The following WDR43 variants were observed in gnomAD, a reference collection of about 807,000 sequenced individuals.
The protein encoded by WDR43 is WD repeat-containing protein 43.
WDR43 carries 13 observed loss-of-function variants against 91.4 expected under a neutral mutation model. The ratio of observed to expected loss-of-function variants is 0.14; its 90% CI spans 0.09 to 0.23. WDR43 has a LOEUF of 0.23. Among genes scored for constraint, WDR43 ranks in the 10% least tolerant of loss-of-function variants. WDR43 has a pLI of 1.00. For synonymous variants in WDR43, 331 were observed against 287.9 expected (o/e 1.15, Z -1.51); for missense variants, 780 against 809.4 (o/e 0.96, Z 0.44).
chr2:28,942,427 G>T (rs757678506), intron 16 of WDR43, 46 bp downstream of exon 16: 1 of 1,574,918 alleles, frequency 6.3e-7, no homozygotes, highest in East Asian at 2.3e-5. Flanking sequence ...ATAACATTCA[G>T]TTTTCAGTGA....
Position 28,947,816 on chromosome 2 carries a change from A to AT in WDR43, c.*1038dup, listed in dbSNP as rs1231190795. ...CTCACTCAAGATTTTTTATGTATGT[A>AT]TAAATATTTTGGTGTGCTACAAAAG... On this transcript the variant is annotated 3_prime_UTR_variant, in exon 18 of 18. Coordinates refer to ENST00000407426, the MANE Select transcript of WDR43 (RefSeq NM_015131.3). 1 of 148,924 alleles carries AT rather than the reference A, an allele frequency of 6.7e-6. No homozygotes were observed. The highest frequency in any genetic ancestry group is 2.0e-4 in the East Asian group (1 of 5,098). 9.2% of individuals were successfully genotyped at this position (148,924 alleles called of 1,614,324 possible).
chr2:28,902,135 G>T lies in WDR43; in HGVS notation c.363+11G>T. ...CACAGTAAATTAATAGTAAGTGTGT[G>T]TATATTTTATTTAAAAGTGATGTGA... On this transcript the variant is annotated intron_variant, in intron 2 of 17. Transcript: ENST00000407426. 3 of 1,532,104 alleles carry T rather than the reference G, an allele frequency of 2.0e-6. No homozygotes were observed. The highest frequency in any genetic ancestry group is 1.8e-6 in the Non-Finnish European group (2 of 1,140,358). 94.9% of individuals were successfully genotyped at this position (1,532,104 alleles called of 1,614,324 possible). A position where few individuals can be genotyped will look rare whatever the true frequency, so the allele number is the denominator to read the frequency against.
chr2:28,927,082 C>G, intron 9 of WDR43: 1 of 519,564 alleles, frequency 1.9e-6, no homozygotes, highest in Non-Finnish European at 3.8e-6. Flanking sequence ...ATGATGACAT[C>G]CATATGGTTT....
chr2:28,946,140 G>A (rs1435363836), intron 16 of WDR43, among the ~76,000 whole-genome samples: 2 of 151,968 alleles, frequency 1.3e-5, no homozygotes, highest in Non-Finnish European at 2.9e-5. Flanking sequence ...GTTTGAGATC[G>A]GCCTGGGCAA....
Position 28,920,224 on chromosome 2 carries a change from C to CTTT in WDR43, c.849+2246_849+2248dup, listed in dbSNP as rs751048652. Among the ~76,000 whole-genome samples, 472 of 108,056 alleles carry CTTT rather than the reference C, an allele frequency of 4.4e-3. 26 individuals are homozygous for CTTT. The highest frequency in any genetic ancestry group is 0.011 in the South Asian group (36 of 3,300). The allele number at this position is 108,056 out of a possible 152,430, so 70.9% of individuals were successfully genotyped here. A position where few individuals can be genotyped will look rare whatever the true frequency, so the allele number is the denominator to read the frequency against. On this transcript the variant is annotated intron_variant, in intron 6 of 17. Transcript: ENST00000407426. Reference sequence around the variant, plus strand: ...AAATAAAAATAAATTTTTTTTCTTTCTTTTTTTTTTTTTTTTTTTGAGACA... The same window carrying CTTT: ...AAATAAAAATAAATTTTTTTTCTTTCTTTTTTTTTTTTTTTTTTTTTTGAGACA...
At chr2:28,931,107 G>A (rs1331099306) in intron 11 of WDR43, among the ~76,000 whole-genome samples, 2 of 118,960 alleles carry the variant, frequency 1.7e-5, no homozygotes, top group Non-Finnish European at 3.5e-5. Context: ...ATAGAGTCTT[G>A]CTTTGTAGCC....
intron 16 of WDR43, among the ~76,000 whole-genome samples, chr2:28,945,255 T>C (rs557966483): frequency 6.6e-6 from 1 of 152,228 alleles, no homozygotes; most frequent in Non-Finnish European, 1.5e-5. Context: ...GGAATCCCAT[T>C]CTGTATTATT....
At chr2:28,907,641 C>T (rs920540447) in intron 3 of WDR43, among the ~76,000 whole-genome samples, 5 of 147,648 alleles carry the variant, frequency 3.4e-5, no homozygotes, top group African/African-American at 7.5e-5. Context: ...CTTGGTGGCT[C>T]ACGCCTGTAA....
chr2:28,914,023 C>T (rs1389605073), intron 4 of WDR43, 46 bp from the exon 5 acceptor site: 1 of 1,602,002 alleles, frequency 6.2e-7, no homozygotes, highest in Non-Finnish European at 8.5e-7. Flanking sequence ...TAATTTTTGT[C>T]CCTGCTTTGA....
intron 5 of WDR43, among the ~76,000 whole-genome samples, chr2:28,914,418 T>G (rs1276349744): frequency 1.3e-5 from 2 of 152,232 alleles, no homozygotes; most frequent in African/African-American, 4.8e-5. Context: ...TGTGGTTGTT[T>G]AGTGATACAG....
intron 7 of WDR43, among the ~76,000 whole-genome samples, chr2:28,923,373 A>G (rs1366184062): frequency 6.6e-6 from 1 of 152,160 alleles, no homozygotes; most frequent in East Asian, 1.9e-4. Context: ...GTTGTGTAGC[A>G]GTCATAGACC....
intron 6 of WDR43, among the ~76,000 whole-genome samples, chr2:28,920,383 G>A (rs997108713): frequency 2.0e-5 from 3 of 151,340 alleles, no homozygotes; most frequent in African/African-American, 7.3e-5. Context: ...ATATCACCAC[G>A]CCTGGCTAAT....
intron 6 of WDR43, 33 bp from the exon 7 acceptor site, chr2:28,922,886 C>T: frequency 6.3e-7 from 1 of 1,578,088 alleles, no homozygotes. Flanking sequence ...GTATGTTATC[C>T]ATTATAATAC....
At chr2:28,909,227 C>T (rs1670743832) in intron 3 of WDR43, among the ~76,000 whole-genome samples, 1 of 152,170 alleles carries the variant, frequency 6.6e-6, no homozygotes, top group African/African-American at 2.4e-5. Context: ...CAACCTCTGC[C>T]TCCCGGAATC....
At chr2:28,929,782 T>C in intron 11 of WDR43, 72 bp downstream of exon 11, 2 of 1,472,582 alleles carry the variant, frequency 1.4e-6, no homozygotes, top group Non-Finnish European at 1.9e-6. Context: ...CATAGCACAT[T>C]CACAGCTGTG....
intron 15 of WDR43, 100 bp downstream of exon 15, chr2:28,941,674 A>C (rs1474333170): frequency 1.1e-6 from 1 of 889,652 alleles, no homozygotes; most frequent in African/African-American, 1.7e-5. Flanking sequence ...TCTGTCGCTC[A>C]GGCTGCACTG....
intron 10 of WDR43, among the ~76,000 whole-genome samples, chr2:28,928,466 C>G (rs906135529): frequency 2.0e-5 from 3 of 152,096 alleles, no homozygotes; most frequent in Non-Finnish European, 4.4e-5. Flanking sequence ...AAAAATAAAG[C>G]GCCAACTTTC....
rs1358857179 is a variant in WDR43 at position 28,927,578 on chromosome 2, C to T, written c.1183C>T (p.Pro395Ser). The change falls in exon 10 of 18, where the codon CCA becomes TCA. Residue 395 changes from proline (P) to serine (S), a missense_variant. Coordinates refer to ENST00000407426, the MANE Select transcript of WDR43 (RefSeq NM_015131.3). ...VETAITKVRT[P>S]VMNSEAKVLV... The stretch of plus-strand genomic sequence containing the variant: ...TATTCCTGTTGAACAGGTGAGGACA[C>T]CAGTGATGAATTCTGAAGCAAAAGT... The T allele has an allele frequency of 6.2e-7, 1 of 1,613,778 alleles. No homozygotes were observed. Among genetic ancestry groups the T allele is most frequent in the African/African-American group, 1.3e-5 (1 of 75,010 alleles).
intron 11 of WDR43, among the ~76,000 whole-genome samples, chr2:28,931,874 C>CTTT (rs11352086): frequency 7.8e-6 from 1 of 128,392 alleles, no homozygotes; most frequent in Non-Finnish European, 1.6e-5. Flanking sequence ...TCCCCCCGCC[C>CTTT]TTTTTTTTTT....
Sources: gnomAD v4.1 joint callset for allele counts (sites outside exome capture counted in the v4.1 genomes callset) on GRCh38, gnomAD v4.1.1 for gene constraint, MANE v1.5 for transcripts, NCBI Gene and HGNC (gene_info 2026-07-23, HGNC 2026-07-21) for gene names.